The following CXCL13 variants were observed in gnomAD, a reference collection of about 807,000 sequenced individuals.
The protein encoded by CXCL13 is C-X-C motif chemokine 13.
In CXCL13, 7 loss-of-function variants were observed where a neutral mutation model predicts 12.2. The ratio of observed to expected loss-of-function variants is 0.57; its 90% CI spans 0.33 to 1.07. The LOEUF (loss-of-function observed/expected upper bound fraction) is 1.07, where lower values mean the gene tolerates loss of function less well. Among genes scored for constraint, CXCL13 ranks in the 50% least tolerant of loss-of-function variants. CXCL13 has a pLI of 0.04. For missense variants in CXCL13, 113 were observed against 127.4 expected (o/e 0.89, Z 0.55); for synonymous variants, 47 against 42.4 (o/e 1.11, Z -0.42).
intron 1 of CXCL13, among the ~76,000 whole-genome samples, chr4:77,554,153 C>A (rs1725600999): frequency 6.6e-6 from 1 of 152,110 alleles, no homozygotes; most frequent in African/African-American, 2.4e-5. Context: ...TCTCCACCAC[C>A]AACCAACAGC....
intron 1 of CXCL13, among the ~76,000 whole-genome samples, chr4:77,557,064 G>A (rs913356180): frequency 6.6e-6 from 1 of 151,926 alleles, no homozygotes; most frequent in Non-Finnish European, 1.5e-5. Flanking sequence ...AGAAAAATGG[G>A]AAACAAGGAG....
At chr4:77,537,640 G>A (rs1725091525) in intron 1 of CXCL13, among the ~76,000 whole-genome samples, 1 of 152,188 alleles carries the variant, frequency 6.6e-6, no homozygotes, top group Non-Finnish European at 1.5e-5. Context: ...TACAGAGTGT[G>A]TAATGGATAG....
At chr4:77,531,691 C>G (rs1040138490) in intron 1 of CXCL13, among the ~76,000 whole-genome samples, 5 of 152,034 alleles carry the variant, frequency 3.3e-5, no homozygotes, top group Non-Finnish European at 7.4e-5. Flanking sequence ...AAGTCTCTTT[C>G]TAGGTCTCTA....
intron 1 of CXCL13, among the ~76,000 whole-genome samples, chr4:77,599,789 T>C (rs987590034): frequency 2.7e-4 from 41 of 152,300 alleles, no homozygotes; most frequent in African/African-American, 7.9e-4. Context: ...AAGATGGTTC[T>C]GGCTGCAGTG....
At chr4:77,541,012 G>C (rs1001206341) in intron 1 of CXCL13, among the ~76,000 whole-genome samples, 1 of 152,090 alleles carries the variant, frequency 6.6e-6, no homozygotes, top group Non-Finnish European at 1.5e-5. Flanking sequence ...ATGTGATGTT[G>C]AACATTTTTT....
intron 1 of CXCL13, among the ~76,000 whole-genome samples, chr4:77,532,930 C>T (rs917536527): frequency 6.6e-6 from 1 of 151,968 alleles, no homozygotes; most frequent in Admixed American, 6.6e-5. Context: ...TTCTAGTTTG[C>T]CATTCATCTA....
At chr4:77,534,958 G>A (rs1725024287) in intron 1 of CXCL13, among the ~76,000 whole-genome samples, 1 of 152,216 alleles carries the variant, frequency 6.6e-6, no homozygotes, top group Non-Finnish European at 1.5e-5. Flanking sequence ...AACAAAAGAA[G>A]TAAATTCTGC....
intron 1 of CXCL13, among the ~76,000 whole-genome samples, chr4:77,549,986 G>T (rs1560523072): frequency 6.6e-6 from 1 of 152,232 alleles, no homozygotes; most frequent in Admixed American, 6.5e-5. Context: ...TTGAGCTGTG[G>T]TGGGCTCCAC....
intron 1 of CXCL13, among the ~76,000 whole-genome samples, chr4:77,593,322 T>C (rs1726662979): frequency 6.6e-6 from 1 of 152,234 alleles, no homozygotes; most frequent in African/African-American, 2.4e-5. Flanking sequence ...TCACTTCCAA[T>C]TTATGGTAAG....
chr4:77,524,988 A>T (rs1282147554), intron 1 of CXCL13, among the ~76,000 whole-genome samples: 1 of 152,222 alleles, frequency 6.6e-6, no homozygotes, highest in African/African-American at 2.4e-5. Context: ...TTGGAAGCTT[A>T]ATCCCCAATG....
chr4:77,541,893 C>T (rs55798528), intron 1 of CXCL13, among the ~76,000 whole-genome samples: 29,364 of 152,020 alleles, frequency 0.19, 3,272 homozygotes, highest in South Asian at 0.31. Flanking sequence ...TACTTTCAGG[C>T]GGTGTTTTCT....
In CXCL13 at chr4:77,542,969, T is replaced by C. The variant is rs1034781786; in HGVS notation, c.-43+31181T>C. Among the ~76,000 whole-genome samples the C allele has an allele frequency of 6.6e-5, 10 of 152,248 alleles. No individual in the cohort carries two copies. The East Asian group carries it at 1.7e-3, about 26-fold the overall frequency. On this transcript the variant is annotated intron_variant, in intron 1 of 4. Transcript: ENST00000286758. ...CTTTTCTTTTTAGGTATGGTAGAAT[T>C]TGGCCATGGACCCATTTGGTCTAGG...
chr4:77,515,518 T>C (rs535140893), intron 1 of CXCL13, among the ~76,000 whole-genome samples: 2 of 152,342 alleles, frequency 1.3e-5, no homozygotes, highest in South Asian at 4.1e-4. Context: ...GAGGAGGTCC[T>C]TCACATCCCT....
At chr4:77,520,933 C>T (rs928999025) in intron 1 of CXCL13, among the ~76,000 whole-genome samples, 1 of 152,024 alleles carries the variant, frequency 6.6e-6, no homozygotes, top group Non-Finnish European at 1.5e-5. Flanking sequence ...AAAGTGCTGT[C>T]GAATTTTCTT....
intron 1 of CXCL13, among the ~76,000 whole-genome samples, chr4:77,550,620 T>C (rs560334100): frequency 4.6e-5 from 7 of 152,342 alleles, no homozygotes; most frequent in East Asian, 1.9e-4. Context: ...GAGTATTCTG[T>C]AGATGTCCTA....
At chr4:77,570,859 G>C (rs1352816681) in intron 1 of CXCL13, among the ~76,000 whole-genome samples, 1 of 152,012 alleles carries the variant, frequency 6.6e-6, no homozygotes, top group Non-Finnish European at 1.5e-5. Context: ...CAGCCCACCG[G>C]TGCTGCGCTC....
chr4:77,511,841 C>T (rs1379110975), intron 1 of CXCL13: 1 of 152,136 alleles, frequency 6.6e-6, no homozygotes, highest in East Asian at 1.9e-4. Flanking sequence ...TGGGTAACTT[C>T]CAGAGTTAAT....
chr4:77,549,472 T>G (rs765816703), intron 1 of CXCL13, among the ~76,000 whole-genome samples: 1 of 152,220 alleles, frequency 6.6e-6, no homozygotes, highest in Non-Finnish European at 1.5e-5. Context: ...TCTTTGTGGT[T>G]TTATCTACCT....
At chr4:77,536,613 G>A (rs780882794) in intron 1 of CXCL13, among the ~76,000 whole-genome samples, 1 of 152,166 alleles carries the variant, frequency 6.6e-6, no homozygotes, top group Non-Finnish European at 1.5e-5. Context: ...AAAACATTTA[G>A]CATGGTGCTG....
Sources: gnomAD v4.1 joint callset for allele counts (sites outside exome capture counted in the v4.1 genomes callset) on GRCh38, gnomAD v4.1.1 for gene constraint, MANE v1.5 for transcripts, NCBI Gene and HGNC (gene_info 2026-07-23, HGNC 2026-07-21) for gene names.